Variants in NOD1 observed in about 807,000 individuals in gnomAD.
NOD1 encodes nucleotide binding oligomerization domain containing 1, also known as nucleotide-binding oligomerization domain-containing protein 1.
Under a neutral mutation model 81.2 loss-of-function variants are expected in NOD1, and 70 were observed. The ratio of observed to expected loss-of-function variants is 0.86; its 90% CI spans 0.71 to 1.05. The LOEUF (loss-of-function observed/expected upper bound fraction) is 1.05. NOD1 is among the 50% of genes least tolerant of loss of function. The probability of loss-of-function intolerance (pLI) is 0.00; values close to 1 mark genes in which losing one functional copy is unlikely to be tolerated. For synonymous variants in NOD1, 508 were observed against 526.9 expected (o/e 0.96, Z 0.49); for missense variants, 1,233 against 1,228.0 (o/e 1.00, Z -0.06).
intron 13 of NOD1, among the ~76,000 whole-genome samples, chr7:30,428,243 G>T (rs985474809): frequency 2.0e-5 from 3 of 151,958 alleles, no homozygotes; most frequent in African/African-American, 7.3e-5. Context: ...GCTAATTTTT[G>T]TAGTGACGGG....
chr7:30,460,729 G>A (rs1786964430), intron 1 of NOD1: 1 of 966,380 alleles, frequency 1.0e-6, no homozygotes, highest in South Asian at 4.8e-5. Flanking sequence ...GAGCCCCGAA[G>A]GGAGCTGGGG....
rs1789038653 is a variant in NOD1, at chr7:30,478,604, A to C, written c.-352+2T>G. ...CGCGAATCCCCAGTCGCTGGGACTT[A>C]CTTGGCCACCAGGTTTACAGACTTC... On this transcript the variant is annotated splice_donor_variant, in intron 1 of 13. Coordinates refer to ENST00000222823, the MANE Select transcript of NOD1 (RefSeq NM_006092.4). LOFTEE classifies it low-confidence loss of function (5UTR_SPLICE). The surrounding 1 kb of genome is among the most constrained non-coding windows in gnomAD (Gnocchi z 4.1). 6.6e-6 allele frequency: 1 copy of C among 152,320 alleles called. No individual in the cohort carries two copies. The highest frequency in any genetic ancestry group is 6.5e-5 in the Admixed American group (1 of 15,292). The allele number at this position is 152,320 out of a possible 1,614,324, so 9.4% of individuals were successfully genotyped here. A position where few individuals can be genotyped will look rare whatever the true frequency, so the allele number is the denominator to read the frequency against.
chr7:30,447,198 C>T (rs747119874), intron 7 of NOD1, 148 bp from the exon 8 acceptor site: 1 of 1,357,152 alleles, frequency 7.4e-7, no homozygotes, highest in Non-Finnish European at 1.0e-6. Context: ...GCTCTGAGGT[C>T]TCACAGCTCA....
intron 1 of NOD1, among the ~76,000 whole-genome samples, chr7:30,471,467 C>T (rs1465910802): frequency 3.3e-5 from 5 of 152,250 alleles, no homozygotes; most frequent in African/African-American, 1.2e-4. Context: ...GCATGCAGTG[C>T]TAAGGATGTG....
chr7:30,435,565 A>G (rs1353779565), intron 11 of NOD1, among the ~76,000 whole-genome samples: 1 of 152,174 alleles, frequency 6.6e-6, no homozygotes, highest in African/African-American at 2.4e-5. Context: ...TATCAACTTA[A>G]CTGAAAGGCC....
rs548173948 is a variant in NOD1 at position 30,425,447 on chromosome 7, G to A, written c.*191C>T. The A allele has an allele frequency of 3.8e-4, 228 of 607,428 alleles. 1 individual carries two copies. The highest frequency in any genetic ancestry group is 2.1e-3 in the Middle Eastern group (5 of 2,334). The allele number at this position is 607,428 out of a possible 1,614,324, so 37.6% of individuals were successfully genotyped here. On this transcript the variant is annotated 3_prime_UTR_variant, in exon 14 of 14. Transcript: ENST00000222823. ...AGACACATTCTTTTTCTGCAGAATT[G>A]TAGCGGGTACTTAGGGAGTTTGCCG...
intron 13 of NOD1, among the ~76,000 whole-genome samples, chr7:30,428,066 G>C (rs1214174930): frequency 6.6e-6 from 1 of 152,142 alleles, no homozygotes; most frequent in African/African-American, 2.4e-5. Flanking sequence ...CTCTATGATG[G>C]TGTTTTTCTT....
chr7:30,446,081 A>C (rs1001443663), intron 9 of NOD1, 60 bp downstream of exon 9: 25 of 1,292,322 alleles, frequency 1.9e-5, no homozygotes, highest in East Asian at 9.3e-5. Flanking sequence ...AAGAACAGCA[A>C]GGCCCGCCCC....
intron 5 of NOD1, among the ~76,000 whole-genome samples, chr7:30,453,918 C>A (rs1014589041): frequency 6.6e-6 from 1 of 152,378 alleles, no homozygotes; most frequent in East Asian, 1.9e-4. Flanking sequence ...TTGTGTGAGA[C>A]TGCTTGTAGA....
chr7:30,457,337 G>A (rs1341014540), intron 3 of NOD1, among the ~76,000 whole-genome samples: 1 of 152,072 alleles, frequency 6.6e-6, no homozygotes, highest in Non-Finnish European at 1.5e-5. Flanking sequence ...TGTAGTCCCA[G>A]CTATTGGGGA....
chr7:30,471,099 G>A (rs1788231145), intron 1 of NOD1, among the ~76,000 whole-genome samples: 1 of 148,542 alleles, frequency 6.7e-6, no homozygotes, highest in South Asian at 2.1e-4. Flanking sequence ...ATGCTTAGCT[G>A]AAGACGTTTA....
intron 8 of NOD1, chr7:30,446,733 G>T: frequency 1.9e-6 from 1 of 523,952 alleles, no homozygotes; most frequent in Non-Finnish European, 3.4e-6. Flanking sequence ...CCTTTCTTCG[G>T]CCTAGTAGTT....
At chr7:30,464,945 T>A (rs1787529062) in intron 1 of NOD1, among the ~76,000 whole-genome samples, 1 of 152,114 alleles carries the variant, frequency 6.6e-6, no homozygotes, top group African/African-American at 2.4e-5. Context: ...GTGCCAGGGG[T>A]CATTGTTACC....
intron 1 of NOD1, among the ~76,000 whole-genome samples, chr7:30,465,571 C>G (rs1787610826): frequency 6.6e-6 from 1 of 152,164 alleles, no homozygotes; most frequent in Non-Finnish European, 1.5e-5. Context: ...ACAGAAACCT[C>G]AAGAAAGTCA....
intron 13 of NOD1, chr7:30,428,368 T>A (rs1439518934): frequency 6.8e-6 from 1 of 147,098 alleles, no homozygotes; most frequent in Non-Finnish European, 1.5e-5. Flanking sequence ...GCCAACAGTG[T>A]TTTTTTTAAA....
At chr7:30,464,409 C>A (rs982723484) in intron 1 of NOD1, among the ~76,000 whole-genome samples, 1 of 152,212 alleles carries the variant, frequency 6.6e-6, no homozygotes, top group African/African-American at 2.4e-5. Flanking sequence ...CTACAGAGAT[C>A]CACTGAGCAC....
intron 1 of NOD1, among the ~76,000 whole-genome samples, chr7:30,461,067 A>G (rs1282123040): frequency 6.6e-6 from 1 of 152,256 alleles, no homozygotes; most frequent in Non-Finnish European, 1.5e-5. Flanking sequence ...AAAACTTTCT[A>G]ATAGCCACAC....
chr7:30,464,443 G>A (rs1307304077), intron 1 of NOD1, among the ~76,000 whole-genome samples: 3 of 152,206 alleles, frequency 2.0e-5, no homozygotes, highest in Non-Finnish European at 4.4e-5. Context: ...GCCCTGCAAC[G>A]TGCAAGGGCC....
intron 12 of NOD1, among the ~76,000 whole-genome samples, chr7:30,431,109 G>C (rs1783913164): frequency 6.6e-6 from 1 of 152,164 alleles, no homozygotes; most frequent in Non-Finnish European, 1.5e-5. Flanking sequence ...CACCCACTCG[G>C]GCTGCCTTCA....
Sources: allele counts gnomAD v4.1 joint callset (sites outside exome capture counted in the v4.1 genomes callset), GRCh38; gene constraint gnomAD v4.1.1; non-coding constraint Gnocchi (gnomAD v3.1); transcripts MANE v1.5; gene names NCBI Gene and HGNC (gene_info 2026-07-23, HGNC 2026-07-21).